Variants in EFCAB5 observed in about 807,000 individuals in gnomAD.
The protein encoded by EFCAB5 is EF-hand calcium binding domain 5.
In EFCAB5, 131 loss-of-function variants were observed where a neutral mutation model predicts 167.9. That is an observed-to-expected ratio of 0.78 (90% CI 0.68 to 0.90). The LOEUF (loss-of-function observed/expected upper bound fraction) is 0.90, where lower values mean the gene tolerates loss of function less well. Ranked by LOEUF, EFCAB5 falls within the 40% of genes least tolerant of loss-of-function variation. The pLI, the probability that EFCAB5 is intolerant of heterozygous loss-of-function variation, is 0.00. For synonymous variants in EFCAB5, 574 were observed against 602.8 expected (o/e 0.95, Z 0.70); for missense variants, 1,663 against 1,745.2 (o/e 0.95, Z 0.84).
intron 13 of EFCAB5, 97 bp downstream of exon 13, chr17:30,057,987 G>A: frequency 9.2e-7 from 1 of 1,083,772 alleles, no homozygotes; most frequent in Non-Finnish European, 1.3e-6. Flanking sequence ...GTTAAAAAAT[G>A]TACAACCAAA....
Position 30,053,686 on chromosome 17 carries a change from C to T in EFCAB5, c.1732C>T (p.Gln578Ter). The T allele has an allele frequency of 1.2e-6, 2 of 1,613,914 alleles. No individual in the cohort carries two copies. Among genetic ancestry groups the T allele is most frequent in the Non-Finnish European group, 1.7e-6 (2 of 1,179,872 alleles). ...CAGAGAGTCAACTACAGAACAAGGA[C>T]AGCACAAAGGGTCAATAGAAGGACA... ...THRESTTEQG[Q>*]HKGSIEGQGP... Residue 578 changes from glutamine to a stop codon, truncating the protein, a stop_gained, in exon 10 of 23, where the codon CAG becomes TAG. Coordinates refer to ENST00000394835, the MANE Select transcript of EFCAB5 (RefSeq NM_198529.4). LOFTEE classifies it high-confidence loss of function.
chr17:29,979,983 A>G (rs2068139850), intron 4 of EFCAB5, among the ~76,000 whole-genome samples: 1 of 152,166 alleles, frequency 6.6e-6, no homozygotes, highest in Non-Finnish European at 1.5e-5. Context: ...AGCCTGACCA[A>G]CATGGTGAAA....
chr17:29,951,548 G>A (rs2067511891), intron 3 of EFCAB5, among the ~76,000 whole-genome samples: 1 of 151,422 alleles, frequency 6.6e-6, no homozygotes, highest in Admixed American at 6.6e-5. Context: ...GTAGAGACGG[G>A]GTTTCACCAT....
intron 3 of EFCAB5, 97 bp from the exon 4 acceptor site, chr17:29,968,694 A>T: frequency 1.0e-6 from 1 of 977,354 alleles, no homozygotes; most frequent in Non-Finnish European, 1.5e-6. Context: ...TCCACTGTGT[A>T]AATGGATATA....
chr17:29,962,202 T>C (rs963833156), intron 3 of EFCAB5, among the ~76,000 whole-genome samples: 14 of 152,214 alleles, frequency 9.2e-5, no homozygotes, highest in African/African-American at 3.1e-4. Flanking sequence ...AATCTGAGGA[T>C]CACTTTTTCT....
At chr17:30,047,862 C>T (rs987065411) in intron 8 of EFCAB5, among the ~76,000 whole-genome samples, 4 of 152,122 alleles carry the variant, frequency 2.6e-5, no homozygotes, top group Non-Finnish European at 5.9e-5. Flanking sequence ...TTGGTATACC[C>T]AGAACTCTTT....
rs759146084 is a variant in EFCAB5 at position 30,107,965 on chromosome 17, T to C, written c.4453T>C (p.Ser1485Pro). The change falls in exon 23 of 23, where the codon TCC becomes CCC. Residue 1485 changes from serine to proline, a missense_variant. Coordinates refer to ENST00000394835, the MANE Select transcript of EFCAB5 (RefSeq NM_198529.4). ...LNSGITPPLP[S>P]KTDNYMYAKM... ...TAGTGGTATTACACCTCCGTTGCCC[T>C]CCAAGACTGACAATTATATGTATGC... 49 of 1,610,342 alleles carry C rather than the reference T, an allele frequency of 3.0e-5. No individual in the cohort carries two copies. The highest frequency in any genetic ancestry group is 1.4e-5 in the Non-Finnish European group (17 of 1,179,052).
At chr17:29,955,702 T>C (rs2067601343) in intron 3 of EFCAB5, among the ~76,000 whole-genome samples, 1 of 152,158 alleles carries the variant, frequency 6.6e-6, no homozygotes, top group African/African-American at 2.4e-5. Flanking sequence ...TGCTCATGTA[T>C]TGGAAGAATC....
At chr17:29,940,946 A>G (rs1038713484), upstream of EFCAB5, among the ~76,000 whole-genome samples, 2 of 152,010 alleles carry the variant, frequency 1.3e-5, no homozygotes, top group African/African-American at 4.8e-5. Flanking sequence ...AGGCTGAGGC[A>G]GGAGAATCAC....
upstream of EFCAB5, among the ~76,000 whole-genome samples, chr17:29,936,999 C>A (rs752016430): frequency 1.3e-5 from 2 of 152,168 alleles, no homozygotes; most frequent in Admixed American, 1.3e-4. Context: ...ACAATAGCTA[C>A]ATACCAGGTG....
At chr17:29,985,448 T>C (rs1163026344) in intron 4 of EFCAB5, among the ~76,000 whole-genome samples, 2 of 152,020 alleles carry the variant, frequency 1.3e-5, no homozygotes, top group Non-Finnish European at 2.9e-5. Context: ...ACTAGAGGAA[T>C]TAAAGACACA....
chr17:29,994,696 T>C (rs942693288), intron 5 of EFCAB5, among the ~76,000 whole-genome samples: 1 of 152,188 alleles, frequency 6.6e-6, no homozygotes, highest in African/African-American at 2.4e-5. Context: ...GGATCGCTTG[T>C]GCCCACGAGT....
intron 6 of EFCAB5, among the ~76,000 whole-genome samples, chr17:29,996,964 G>A (rs1444312697): frequency 6.6e-6 from 1 of 152,144 alleles, no homozygotes; most frequent in Admixed American, 6.5e-5. Flanking sequence ...CTTCTTCAGA[G>A]GCCGGGCACA....
At chr17:30,004,126 G>A (rs2068724887) in intron 7 of EFCAB5, among the ~76,000 whole-genome samples, 1 of 152,218 alleles carries the variant, frequency 6.6e-6, no homozygotes, top group African/African-American at 2.4e-5. Context: ...CCTCTCATAA[G>A]GCGTGAATTA....
chr17:30,048,649 G>A (rs1433203453), intron 8 of EFCAB5, among the ~76,000 whole-genome samples: 1 of 151,894 alleles, frequency 6.6e-6, no homozygotes, highest in Non-Finnish European at 1.5e-5. Flanking sequence ...CACCATGCCT[G>A]GCTAATTTTT....
intron 5 of EFCAB5, among the ~76,000 whole-genome samples, chr17:29,994,125 C>T (rs1597637149): frequency 1.3e-5 from 1 of 74,380 alleles, no homozygotes; most frequent in African/African-American, 5.0e-5. Context: ...ACAACAACAA[C>T]AACAACAAAT....
At chr17:30,060,247 G>A (rs528169372) in intron 14 of EFCAB5, among the ~76,000 whole-genome samples, 2 of 151,826 alleles carry the variant, frequency 1.3e-5, no homozygotes, top group Non-Finnish European at 2.9e-5. Flanking sequence ...TAAAAAAAAG[G>A]TTAAAAGGAT....
At chr17:29,991,671 C>G (rs965505325) in intron 4 of EFCAB5, among the ~76,000 whole-genome samples, 7 of 152,164 alleles carry the variant, frequency 4.6e-5, no homozygotes, top group African/African-American at 1.2e-4. Flanking sequence ...ATGGCCATCA[C>G]GAACATGTCA....
At chr17:30,100,082 G>A (rs866563986) in intron 22 of EFCAB5, among the ~76,000 whole-genome samples, 10 of 152,140 alleles carry the variant, frequency 6.6e-5, no homozygotes, top group Admixed American at 2.6e-4. Context: ...ATATACAGAA[G>A]GTTGGTTCTA....
Sources: gnomAD v4.1 joint callset for allele counts (sites outside exome capture counted in the v4.1 genomes callset) on GRCh38, gnomAD v4.1.1 for gene constraint, MANE v1.5 for transcripts, NCBI Gene and HGNC (gene_info 2026-07-23, HGNC 2026-07-21) for gene names.